Variants in HCRTR2 observed in about 807,000 individuals in gnomAD.
HCRTR2 encodes hypocretin receptor 2.
A neutral mutation model predicts 49.0 loss-of-function variants in HCRTR2; 22 were observed. That is an observed-to-expected ratio of 0.45 (90% confidence interval 0.32 to 0.64). The LOEUF (loss-of-function observed/expected upper bound fraction) is 0.64. Ranked by LOEUF, HCRTR2 falls within the 30% of genes least tolerant of loss-of-function variation. The pLI, the probability that HCRTR2 is intolerant of heterozygous loss-of-function variation, is 0.04. For missense variants in HCRTR2, 491 were observed against 559.4 expected, an observed-to-expected ratio of 0.88 and a Z score of 1.23; for synonymous variants, 236 against 205.3, an observed-to-expected ratio of 1.15 and a Z score of -1.28.
intron 1 of HCRTR2, among the ~76,000 whole-genome samples, chr6:55,121,286 G>T (rs1487629651): frequency 6.6e-6 from 1 of 151,932 alleles, no homozygotes; most frequent in Non-Finnish European, 1.5e-5. Context: ...GTCTGTTATT[G>T]GTGTATAGGA....
At chr6:55,151,243 T>A (rs909305024) in intron 1 of HCRTR2, among the ~76,000 whole-genome samples, 1 of 151,932 alleles carries the variant, frequency 6.6e-6, no homozygotes, top group Non-Finnish European at 1.5e-5. Flanking sequence ...TAACAAAAAA[T>A]TTCTCTGTGT....
At chr6:55,217,911 T>C (rs1016997874) in intron 1 of HCRTR2, among the ~76,000 whole-genome samples, 2 of 152,152 alleles carry the variant, frequency 1.3e-5, no homozygotes, top group African/African-American at 2.4e-5. Context: ...TGTATTAGGG[T>C]TCTCCAGAGA....
intron 1 of HCRTR2, among the ~76,000 whole-genome samples, chr6:55,155,970 G>C (rs1764724958): frequency 6.6e-6 from 1 of 151,854 alleles, no homozygotes; most frequent in African/African-American, 2.4e-5. Context: ...ATCTTGAAAA[G>C]TCATCTAAAC....
intron 1 of HCRTR2, among the ~76,000 whole-genome samples, chr6:55,187,670 C>T (rs1420166181): frequency 1.5e-5 from 2 of 129,106 alleles, no homozygotes; most frequent in Admixed American, 1.6e-4. Context: ...TGTGATAGGG[C>T]TATTATTTGA....
intron 1 of HCRTR2, among the ~76,000 whole-genome samples, chr6:55,235,073 A>G (rs1162458242): frequency 2.0e-5 from 3 of 152,192 alleles, no homozygotes; most frequent in Admixed American, 6.5e-5. Context: ...ATTAGACACA[A>G]AATAACACAT....
chr6:55,260,625 C>A (rs1055177522), intron 3 of HCRTR2, among the ~76,000 whole-genome samples: 5 of 152,042 alleles, frequency 3.3e-5, no homozygotes, highest in African/African-American at 1.2e-4. Context: ...CTGAAGACTG[C>A]AGCGGATAAA....
upstream of HCRTR2, among the ~76,000 whole-genome samples, chr6:55,171,696 C>A (rs1291135291): frequency 6.6e-6 from 1 of 152,084 alleles, no homozygotes; most frequent in Non-Finnish European, 1.5e-5. Context: ...TACAGCTTGT[C>A]ATAAAATAAA....
intron 1 of HCRTR2, among the ~76,000 whole-genome samples, chr6:55,237,232 T>C (rs1214722632): frequency 6.6e-6 from 1 of 152,172 alleles, no homozygotes; most frequent in Non-Finnish European, 1.5e-5. Context: ...AAATATTTTA[T>C]GAAAAATTGT....
chr6:55,207,800 C>T (rs1765628103), intron 1 of HCRTR2, among the ~76,000 whole-genome samples: 1 of 152,126 alleles, frequency 6.6e-6, no homozygotes, highest in Non-Finnish European at 1.5e-5. Context: ...GCACAACTCA[C>T]TTTTTTTCTA....
In HCRTR2 at chr6:55,131,237, T is replaced by A. The variant is rs550941113; in HGVS notation, c.-378+24692T>A. Among the ~76,000 whole-genome samples, 11 of 151,966 alleles carry A rather than the reference T, an allele frequency of 7.2e-5. No individual in the cohort carries two copies. The East Asian group carries it at 1.9e-3, about 27-fold the overall frequency. On this transcript the variant is annotated intron_variant, in intron 1 of 7. Transcript: ENST00000615358. ...TATATTATTATTTTATTATTGATAA[T>A]GAATACACAGTAGTTCCCCTTTTAT...
At chr6:55,157,763 T>C (rs1356955201) in intron 1 of HCRTR2, among the ~76,000 whole-genome samples, 2 of 152,216 alleles carry the variant, frequency 1.3e-5, no homozygotes, top group Admixed American at 6.5e-5. Context: ...CTTCCAGATC[T>C]TATCCAAGAC....
At chr6:55,122,415 C>T (rs1242979530) in intron 1 of HCRTR2, among the ~76,000 whole-genome samples, 1 of 152,238 alleles carries the variant, frequency 6.6e-6, no homozygotes, top group East Asian at 1.9e-4. Flanking sequence ...AAAAAACCAG[C>T]TCCTGGATTC....
intron 1 of HCRTR2, among the ~76,000 whole-genome samples, chr6:55,221,220 A>C (rs1765884133): frequency 6.6e-6 from 1 of 152,198 alleles, no homozygotes; most frequent in African/African-American, 2.4e-5. Context: ...ATGGATACTT[A>C]GAAAATCTGG....
intron 1 of HCRTR2, among the ~76,000 whole-genome samples, chr6:55,216,754 C>T (rs1175539132): frequency 6.6e-6 from 1 of 152,164 alleles, no homozygotes; most frequent in East Asian, 1.9e-4. Context: ...CCCAGGTGGG[C>T]ACTGCACACT....
At chr6:55,126,314 C>T (rs927638395) in intron 1 of HCRTR2, among the ~76,000 whole-genome samples, 2 of 152,226 alleles carry the variant, frequency 1.3e-5, no homozygotes, top group Non-Finnish European at 2.9e-5. Context: ...AGTGAGCCTG[C>T]TATTCCTTTC....
intron 1 of HCRTR2, among the ~76,000 whole-genome samples, chr6:55,199,368 A>G (rs1165985231): frequency 1.3e-5 from 2 of 152,060 alleles, no homozygotes; most frequent in African/African-American, 4.8e-5. Flanking sequence ...GGGAGGATTG[A>G]ATTATTTTAG....
In HCRTR2 at chr6:55,277,411, A is replaced by C; in HGVS notation, c.794A>C (p.Lys265Thr). Residue 265 changes from lysine (K) to threonine (T), a missense_variant, in exon 5 of 7, where the codon AAA becomes ACA. Physicochemically the swap from Lys to Thr is moderately conservative, Grantham distance 78. Coordinates refer to ENST00000370862, the MANE Select transcript of HCRTR2 (RefSeq NM_001384272.1). ...IPGTSSVVQR[K>T]WKPLQPVSQP... Reference sequence around the variant, plus strand: ...GGAACATCATCTGTAGTTCAGAGAAAATGGAAGCCCCTGCAGCCTGTTTCA... The same window carrying C: ...GGAACATCATCTGTAGTTCAGAGAACATGGAAGCCCCTGCAGCCTGTTTCA... The C allele has an allele frequency of 6.2e-7, 1 of 1,614,102 alleles. No homozygotes were observed. The highest frequency in any genetic ancestry group is 1.1e-5 in the South Asian group (1 of 91,080).
At chr6:55,168,647 C>T (rs1332011600) in intron 1 of HCRTR2, among the ~76,000 whole-genome samples, 1 of 152,048 alleles carries the variant, frequency 6.6e-6, no homozygotes, top group Non-Finnish European at 1.5e-5. Context: ...CTCACTGCAG[C>T]CTCAACCTCC....
intron 3 of HCRTR2, among the ~76,000 whole-genome samples, chr6:55,257,285 A>C (rs1233531208): frequency 6.6e-6 from 1 of 152,102 alleles, no homozygotes; most frequent in Non-Finnish European, 1.5e-5. Flanking sequence ...TCCTGTATTA[A>C]ACTCGAGACT....
Sources: allele counts gnomAD v4.1 joint callset (sites outside exome capture counted in the v4.1 genomes callset), GRCh38; gene constraint gnomAD v4.1.1; transcripts MANE v1.5; gene names NCBI Gene and HGNC (gene_info 2026-07-23, HGNC 2026-07-21).